Variants in GALNT5 observed in about 807,000 individuals in gnomAD.
GALNT5 encodes polypeptide N-acetylgalactosaminyltransferase 5.
In GALNT5, 72 loss-of-function variants were observed where a neutral mutation model predicts 85.4. That is an observed-to-expected ratio of 0.84 (90% CI 0.70 to 1.03). The LOEUF (loss-of-function observed/expected upper bound fraction) is 1.03, where lower values mean the gene tolerates loss of function less well. Ranked by LOEUF, GALNT5 falls within the 50% of genes least tolerant of loss-of-function variation. GALNT5 has a pLI of 0.00. For missense variants in GALNT5, 1,137 were observed against 1,135.5 expected, an observed-to-expected ratio of 1.00 and a Z score of -0.02; for synonymous variants, 404 against 397.0, an observed-to-expected ratio of 1.02 and a Z score of -0.21.
intron 1 of GALNT5, among the ~76,000 whole-genome samples, chr2:157,281,701 G>A (rs1682857932): frequency 6.6e-6 from 1 of 152,202 alleles, no homozygotes; most frequent in African/African-American, 2.4e-5. Context: ...TATGAGCATT[G>A]TAAGTACTTC....
In GALNT5 at chr2:157,258,882, C is replaced by A. The variant is rs750289797; in HGVS notation, c.800C>A (p.Ala267Glu). 6.4e-7 allele frequency: 1 copy of A among 1,569,392 alleles called. No homozygotes were observed. The highest frequency in any genetic ancestry group is 1.2e-5 in the South Asian group (1 of 83,436). ...AAGACTCAGAGCAAAGAAGTCAATGCAAATAAACACAAAGCCAATACGAGT... is the reference window on the plus strand; with the variant it reads ...AAGACTCAGAGCAAAGAAGTCAATGAAAATAAACACAAAGCCAATACGAGT... ...KTKTQSKEVN[A>E]NKHKANTSLP... Residue 267 changes from alanine (A) to glutamate (E), a missense_variant, in exon 1 of 10, where the codon GCA becomes GAA. Coordinates refer to ENST00000259056, the MANE Select transcript of GALNT5 (RefSeq NM_014568.3).
chr2:157,263,064 T>A (rs940490951), intron 1 of GALNT5, among the ~76,000 whole-genome samples: 1 of 151,598 alleles, frequency 6.6e-6, no homozygotes, highest in African/African-American at 2.4e-5. Context: ...CCTGACCTCA[T>A]GATCTGCCCG....
intron 3 of GALNT5, 67 bp downstream of exon 3, chr2:157,286,201 C>G: frequency 1.5e-6 from 2 of 1,338,332 alleles, no homozygotes; most frequent in Admixed American, 1.8e-5. Context: ...CTCAAACATA[C>G]AGCAAATGTG....
At position 157,259,181 on chromosome 2, in the gene GALNT5, T is replaced by C; in HGVS notation, c.1099T>C (p.Ser367Pro). The C allele has an allele frequency of 6.5e-7, 1 of 1,538,962 alleles. No homozygotes were observed. The highest frequency in any genetic ancestry group is 8.7e-7 in the Non-Finnish European group (1 of 1,146,324). Residue 367 changes from serine to proline, a missense_variant, in exon 1 of 10, where the codon TCT (serine) becomes CCT (proline). Physicochemically the swap from Ser to Pro is moderately conservative, Grantham distance 74 (BLOSUM62 -1). Coordinates refer to ENST00000259056, the MANE Select transcript of GALNT5 (RefSeq NM_014568.3). ...CATTTCCAGGAATAGAAGTGAGATG[T>C]CTTCCTCTTCACTTGCTCCACATAG... ...KHISRNRSEM[S>P]SSSLAPHRVP...
intron 3 of GALNT5, among the ~76,000 whole-genome samples, chr2:157,286,755 G>A (rs1254226787): frequency 6.6e-6 from 1 of 152,112 alleles, no homozygotes; most frequent in African/African-American, 2.4e-5. Context: ...GCCCGCCTCG[G>A]CCTCCCAAAG....
At chr2:157,270,817 T>C (rs1682566100) in intron 1 of GALNT5, among the ~76,000 whole-genome samples, 2 of 152,226 alleles carry the variant, frequency 1.3e-5, no homozygotes, top group South Asian at 4.1e-4. Flanking sequence ...AAAAGAATAG[T>C]TAATTTTGAG....
chr2:157,306,408 T>C (rs376825436), intron 8 of GALNT5, among the ~76,000 whole-genome samples: 73 of 152,262 alleles, frequency 4.8e-4, no homozygotes, highest in African/African-American at 1.5e-3. Context: ...TAGAAACTCC[T>C]ATAGGAAAAC....
At chr2:157,294,230 A>G (rs1355431054) in intron 3 of GALNT5, among the ~76,000 whole-genome samples, 1 of 152,202 alleles carries the variant, frequency 6.6e-6, no homozygotes, top group East Asian at 1.9e-4. Context: ...CAGGAGGCTG[A>G]ACAGGAGAAG....
rs190329449 is a variant in GALNT5 at position 157,307,140 on chromosome 2, G to A, written c.2520+1311G>A. ...CTCAATTGGATGCTGAGAGGCAAAA[G>A]TATAAATTATGCAGGCTTCGACTTC... is the stretch of plus-strand genomic sequence containing the variant. On this transcript the variant is annotated intron_variant, in intron 8 of 9. Transcript: ENST00000259056. Among the ~76,000 whole-genome samples, 91 of 152,214 alleles carry A rather than the reference G, an allele frequency of 6.0e-4. 1 individual carries two copies. Among genetic ancestry groups the A allele is most frequent in the East Asian group, 1.2e-3 (6 of 5,170 alleles).
chr2:157,301,561 A>G (rs1683343428), intron 7 of GALNT5: 1 of 155,306 alleles, frequency 6.4e-6, no homozygotes, highest in Non-Finnish European at 1.4e-5. Flanking sequence ...CAAGCACTGG[A>G]AAGAAGACGA....
chr2:157,288,401 C>T (rs6747731), intron 3 of GALNT5, among the ~76,000 whole-genome samples: 144,561 of 152,328 alleles, frequency 0.95, 68,696 homozygotes, highest in East Asian at 1. Context: ...CTATAAATGA[C>T]GTAAAAATAG....
chr2:157,305,879 G>C (rs1396184658), intron 8 of GALNT5, 50 bp downstream of exon 8: 1 of 961,420 alleles, frequency 1.0e-6, no homozygotes, highest in Non-Finnish European at 1.6e-6. Flanking sequence ...TGCAGGGTAT[G>C]ACACATTCAT....
At chr2:157,276,697 T>G (rs1380952255) in intron 1 of GALNT5, among the ~76,000 whole-genome samples, 2 of 152,208 alleles carry the variant, frequency 1.3e-5, no homozygotes, top group African/African-American at 4.8e-5. Flanking sequence ...TTATTGCATC[T>G]ATTTGATTCT....
At position 157,296,413 on chromosome 2, in the gene GALNT5, T is replaced by C. The variant is rs754296522; in HGVS notation, c.1897T>C (p.Phe633Leu). 4 of 1,610,130 alleles carry C rather than the reference T, an allele frequency of 2.5e-6. No homozygotes were observed. The highest frequency in any genetic ancestry group is 1.3e-5 in the African/African-American group (1 of 74,850). ...GATTAGTTACATGACAGTGGATAACTTTCAAAGAGGCATCTTTGTGTGGCC... is the reference window on the plus strand; with the variant it reads ...GATTAGTTACATGACAGTGGATAACCTTCAAAGAGGCATCTTTGTGTGGCC... Reference protein sequence around the residue: ...KDMSYMTVDNFQRGIFVWPMN... With the variant: ...KDMSYMTVDNLQRGIFVWPMN... Residue 633 changes from phenylalanine (F) to leucine (L), a missense_variant, in exon 5 of 10, where the codon TTT (phenylalanine) becomes CTT (leucine). Physicochemically the swap from Phe to Leu is conservative, Grantham distance 22 (BLOSUM62 0). Coordinates refer to ENST00000259056, the MANE Select transcript of GALNT5 (RefSeq NM_014568.3).
rs1558908136 is a variant in GALNT5, at chr2:157,313,680, A to G, written c.*2332A>G. 1 of 152,172 alleles carries G rather than the reference A, an allele frequency of 6.6e-6. No homozygotes were observed. Among genetic ancestry groups the G allele is most frequent in the East Asian group, 1.9e-4 (1 of 5,200 alleles). The allele number at this position is 152,172 out of a possible 1,614,324, so 9.4% of individuals were successfully genotyped here. A position where few individuals can be genotyped will look rare whatever the true frequency, so the allele number is the denominator to read the frequency against. On this transcript the variant is annotated 3_prime_UTR_variant, in exon 10 of 10. Coordinates refer to ENST00000259056, the MANE Select transcript of GALNT5 (RefSeq NM_014568.3). The stretch of plus-strand genomic sequence containing the variant: ...TCAACTCTGTTCTGAAAAAAAATGA[A>G]TTGCATTTTGAATACACTTATCTTT...
rs902949681 is a variant in GALNT5 at position 157,316,249 on chromosome 2, C to G, written c.*4901C>G. On this transcript the variant is annotated 3_prime_UTR_variant, in exon 10 of 10. Coordinates refer to ENST00000259056, the MANE Select transcript of GALNT5 (RefSeq NM_014568.3). ...TAGCTTTACATATGGGAGCCTCTAG[C>G]TTGCATATCTATACTTGCAACTTGA... is the stretch of plus-strand genomic sequence containing the variant. Among the ~76,000 whole-genome samples, 2 of 152,014 alleles carry G rather than the reference C, an allele frequency of 1.3e-5. No homozygotes were observed. The highest frequency in any genetic ancestry group is 2.9e-5 in the Non-Finnish European group (2 of 68,008).
intron 9 of GALNT5, 83 bp from the exon 10 acceptor site, chr2:157,311,124 AT>A (rs145970302): frequency 1.6e-5 from 17 of 1,092,060 alleles, no homozygotes; most frequent in South Asian, 9.6e-5. Context: ...CTGCCTGTCC[AT>A]TTTTTTAATT....
At chr2:157,305,639 TA>T in intron 7 of GALNT5, 109 bp from the exon 8 acceptor site, 1 of 659,920 alleles carries the variant, frequency 1.5e-6, no homozygotes, top group Non-Finnish European at 2.7e-6. Context: ...GCTAAGCTAT[TA>T]ACTTTTAACC....
intron 1 of GALNT5, among the ~76,000 whole-genome samples, chr2:157,267,093 C>A (rs1381415181): frequency 6.6e-6 from 1 of 152,078 alleles, no homozygotes; most frequent in East Asian, 1.9e-4. Context: ...ACACAGGGGA[C>A]TGTTGGGAAA....
Sources: gnomAD v4.1 joint callset for allele counts (sites outside exome capture counted in the v4.1 genomes callset) on GRCh38, gnomAD v4.1.1 for gene constraint, MANE v1.5 for transcripts, NCBI Gene and HGNC (gene_info 2026-07-23, HGNC 2026-07-21) for gene names.